Variants in SLC38A6 observed in about 807,000 individuals in gnomAD.
SLC38A6 encodes N system amino acid transporter NAT-1.
Under a neutral mutation model 65.0 loss-of-function variants are expected in SLC38A6, and 73 were observed. The observed-to-expected ratio is 1.12, with a 90% CI of 0.93 to 1.37. The LOEUF is 1.37. SLC38A6 is among the 40% of genes most tolerant of loss of function. SLC38A6 has a pLI of 0.00. For missense variants in SLC38A6, 561 were observed against 531.1 expected (o/e 1.06, Z -0.55); for synonymous variants, 183 against 178.8 (o/e 1.02, Z -0.19).
At chr14:60,990,421 C>G (rs1377997102) in intron 3 of SLC38A6, among the ~76,000 whole-genome samples, 1 of 152,128 alleles carries the variant, frequency 6.6e-6, no homozygotes. Flanking sequence ...CCAGCTGCCT[C>G]CGTGACATCT....
intron 8 of SLC38A6, among the ~76,000 whole-genome samples, chr14:61,038,521 C>G (rs895040190): frequency 6.6e-6 from 1 of 152,220 alleles, no homozygotes; most frequent in East Asian, 1.9e-4. Flanking sequence ...CTTGGTTCAA[C>G]TCTTTCTTGT....
chr14:61,020,673 A>T (rs2040298820), intron 5 of SLC38A6, among the ~76,000 whole-genome samples: 1 of 152,160 alleles, frequency 6.6e-6, no homozygotes, highest in African/African-American at 2.4e-5. Context: ...ACTACTTCAC[A>T]CTTCACAGTA....
intron 8 of SLC38A6, among the ~76,000 whole-genome samples, chr14:61,038,554 C>T (rs2041560913): frequency 6.6e-6 from 1 of 152,056 alleles, no homozygotes; most frequent in South Asian, 2.1e-4. Flanking sequence ...ATGAAAGAAA[C>T]AGCCATATGT....
chr14:61,061,222 TTATG>T (rs2042828943), intron 15 of SLC38A6, among the ~76,000 whole-genome samples: 1 of 152,226 alleles, frequency 6.6e-6, no homozygotes, highest in Admixed American at 6.5e-5. Flanking sequence ...TTAGTTCTGT[TTATG>T]TGATGAATCA....
chr14:61,034,366 A>C (rs1426499721), intron 6 of SLC38A6: 2 of 151,218 alleles, frequency 1.3e-5, no homozygotes, highest in Non-Finnish European at 2.9e-5. Flanking sequence ...TTTTTGTTTT[A>C]TTTTATTACG....
rs978159022 is a variant in SLC38A6, at chr14:61,014,649, C to T, written c.311-1255C>T. ...TCTGTTGGAGTTTACTGGAAGTCCA[C>T]TCCAGACCCTTTTTGTCTGGGTATC... On this transcript the variant is annotated intron_variant, in intron 3 of 15. Coordinates refer to ENST00000267488, the MANE Select transcript of SLC38A6 (RefSeq NM_153811.3). 2.6e-5 allele frequency among the ~76,000 whole-genome samples: 4 copies of T among 152,222 alleles called. No individual in the cohort carries two copies. In the East Asian group the frequency reaches 7.7e-4, roughly 29 times the overall value.
At chr14:61,007,713 C>A (rs186259021) in intron 3 of SLC38A6, among the ~76,000 whole-genome samples, 2 of 16,712 alleles carry the variant, frequency 1.2e-4, no homozygotes, top group East Asian at 1.7e-3. Context: ...ATATAAGTGA[C>A]ATATCAGAGA....
chr14:60,994,513 C>T (rs1030639326), intron 3 of SLC38A6, among the ~76,000 whole-genome samples: 1 of 152,040 alleles, frequency 6.6e-6, no homozygotes, highest in East Asian at 1.9e-4. Flanking sequence ...CCATTGCACT[C>T]CAGCCTGAGC....
chr14:60,997,654 G>A (rs1368398000), intron 3 of SLC38A6, among the ~76,000 whole-genome samples: 2 of 152,164 alleles, frequency 1.3e-5, no homozygotes, highest in African/African-American at 4.8e-5. Flanking sequence ...GAATAAAATA[G>A]GGATTGAACC....
Position 61,051,889 on chromosome 14 carries a change from G to A in SLC38A6, c.1153G>A (p.Ala385Thr), listed in dbSNP as rs1566713550. Residue 385 changes from alanine to threonine, a missense_variant, in exon 14 of 16, where the codon GCA becomes ACA. Ala to Thr is a moderately conservative substitution (Grantham distance 58). Transcript: ENST00000267488. ...ACTCAATATTATCATCGTTTTACTTGCAATATATGTTCCTGACATTAGAAA... is the reference window on the plus strand; with the variant it reads ...ACTCAATATTATCATCGTTTTACTTACAATATATGTTCCTGACATTAGAAA... ...LALNIIIVLL[A>T]IYVPDIRNVF... is the part of the protein sequence containing the mutation. 3.7e-6 allele frequency: 6 copies of A among 1,611,576 alleles called. No individual in the cohort carries two copies. The highest frequency in any genetic ancestry group is 4.5e-5 in the East Asian group (2 of 44,698).
intron 12 of SLC38A6, 123 bp downstream of exon 12, chr14:61,046,290 AT>A (rs779320226): frequency 3.4e-5 from 21 of 611,764 alleles, no homozygotes; most frequent in Non-Finnish European, 4.9e-5. Context: ...CCAAATTACA[AT>A]GCAGTACTGT....
intron 8 of SLC38A6, among the ~76,000 whole-genome samples, chr14:61,041,865 A>G (rs1226054272): frequency 1.3e-5 from 2 of 151,924 alleles, no homozygotes; most frequent in African/African-American, 2.4e-5. Context: ...GTGTTACTGC[A>G]CTCCAGGCTG....
At chr14:61,009,929 T>A (rs976534173) in intron 3 of SLC38A6, among the ~76,000 whole-genome samples, 33 of 152,324 alleles carry the variant, frequency 2.2e-4, no homozygotes, top group African/African-American at 7.2e-4. Flanking sequence ...ATGGTATTTC[T>A]AGTTCTAGAT....
At chr14:61,054,641 G>A (rs1035329274), downstream of SLC38A6, among the ~76,000 whole-genome samples, 1 of 152,132 alleles carries the variant, frequency 6.6e-6, no homozygotes, top group Non-Finnish European at 1.5e-5. Flanking sequence ...TGGCAATTGT[G>A]AATGGGATTG....
intron 3 of SLC38A6, among the ~76,000 whole-genome samples, chr14:60,989,436 A>C (rs553301950): frequency 6.6e-6 from 1 of 152,302 alleles, no homozygotes; most frequent in South Asian, 2.1e-4. Flanking sequence ...ATAATTGTCT[A>C]AACCAGGCCA....
intron 5 of SLC38A6, among the ~76,000 whole-genome samples, chr14:61,021,845 A>G (rs2040360100): frequency 6.6e-6 from 1 of 152,170 alleles, no homozygotes; most frequent in Admixed American, 6.5e-5. Context: ...TTTCGTAGCC[A>G]GATGTACATA....
At chr14:61,023,630 ATATC>A (rs1436749079) in intron 5 of SLC38A6, among the ~76,000 whole-genome samples, 8 of 150,558 alleles carry the variant, frequency 5.3e-5, no homozygotes, top group African/African-American at 1.2e-4. Flanking sequence ...TATATGTAAA[ATATC>A]TATTATTTTC....
At chr14:61,065,262 G>T (rs2042984973) in intron 15 of SLC38A6, among the ~76,000 whole-genome samples, 1 of 152,154 alleles carries the variant, frequency 6.6e-6, no homozygotes. Flanking sequence ...CACGTTACTG[G>T]ATCAACCCAA....
At chr14:61,046,569 A>G (rs1294709385) in intron 12 of SLC38A6, among the ~76,000 whole-genome samples, 1 of 152,164 alleles carries the variant, frequency 6.6e-6, no homozygotes, top group Non-Finnish European at 1.5e-5. Flanking sequence ...TGAGAAAGGA[A>G]AGGGTTTTAC....
Sources: gnomAD v4.1 joint callset for allele counts (sites outside exome capture counted in the v4.1 genomes callset) on GRCh38, gnomAD v4.1.1 for gene constraint, MANE v1.5 for transcripts, NCBI Gene and HGNC (gene_info 2026-07-23, HGNC 2026-07-21) for gene names.